The following KCNH7 variants were observed in gnomAD, a reference collection of about 807,000 sequenced individuals.
KCNH7 encodes potassium voltage-gated channel subfamily H member 7, also known as voltage-gated inwardly rectifying potassium channel KCNH7.
A neutral mutation model predicts 120.8 loss-of-function variants in KCNH7; 49 were observed. The ratio of observed to expected loss-of-function variants is 0.41; its 90% CI spans 0.32 to 0.51. KCNH7 has a LOEUF of 0.51. Ranked by LOEUF, KCNH7 falls within the 20% of genes least tolerant of loss-of-function variation. The pLI, the probability that KCNH7 is intolerant of heterozygous loss-of-function variation, is 0.38. For missense variants in KCNH7, 1,097 were observed against 1,446.6 expected (o/e 0.76, Z 3.92); for synonymous variants, 547 against 516.1 (o/e 1.06, Z -0.81).
chr2:162,790,424 A>G (rs554775909), intron 2 of KCNH7, among the ~76,000 whole-genome samples: 3 of 152,098 alleles, frequency 2.0e-5, no homozygotes, highest in Non-Finnish European at 4.4e-5. Flanking sequence ...AAAAATTAAT[A>G]CTAATTCTTC....
At chr2:162,453,416 A>G (rs552184327) in intron 6 of KCNH7, among the ~76,000 whole-genome samples, 5 of 152,298 alleles carry the variant, frequency 3.3e-5, no homozygotes, top group South Asian at 2.1e-4. Context: ...TAGTGCTGCA[A>G]TGAACATACA....
rs1421705579 is a variant in KCNH7 at position 162,536,985 on chromosome 2, T to C, written c.403A>G (p.Asn135Asp). The C allele has an allele frequency of 1.9e-6, 3 of 1,612,886 alleles. No homozygotes were observed. The highest frequency in any genetic ancestry group is 3.3e-5 in the Admixed American group (2 of 59,922). Reference sequence around the variant, plus strand: ...CTCTCTGGGGTGGCAGCGTTTTCATTATCCGTCACATATTCAAAATTAATG... The same window carrying C: ...CTCTCTGGGGTGGCAGCGTTTTCATCATCCGTCACATATTCAAAATTAATG... ...FIINFEYVTDNENAATPERVN... is the reference protein window; with the variant it reads ...FIINFEYVTDDENAATPERVN... Residue 135 changes from asparagine (N) to aspartate (D), a missense_variant, in exon 3 of 16, where the codon AAT (asparagine) becomes GAT (aspartate). Around this residue, in one of 8 missense-constraint regions of KCNH7, gnomAD observed 362 missense variants for 372.2 expected, o/e 0.97. Coordinates refer to ENST00000332142, the MANE Select transcript of KCNH7 (RefSeq NM_033272.4).
intron 2 of KCNH7, among the ~76,000 whole-genome samples, chr2:162,546,886 TG>T (rs1692499297): frequency 6.6e-6 from 1 of 151,756 alleles, no homozygotes; most frequent in African/African-American, 2.4e-5. Flanking sequence ...GGGGGTGTGA[TG>T]GAGTGTCTGA....
intron 6 of KCNH7, among the ~76,000 whole-genome samples, chr2:162,461,410 T>C (rs1260968238): frequency 6.6e-6 from 1 of 152,210 alleles, no homozygotes; most frequent in African/African-American, 2.4e-5. Context: ...TAGTTCCACA[T>C]ATAGTCCCTA....
At chr2:162,669,283 A>G (rs1039206877) in intron 2 of KCNH7, among the ~76,000 whole-genome samples, 10 of 152,224 alleles carry the variant, frequency 6.6e-5, no homozygotes, top group African/African-American at 2.4e-4. Context: ...AGACTGACTT[A>G]CATTCATTAA....
At chr2:162,823,495 T>C (rs555557030) in intron 2 of KCNH7, among the ~76,000 whole-genome samples, 6 of 152,202 alleles carry the variant, frequency 3.9e-5, no homozygotes, top group Non-Finnish European at 8.8e-5. Flanking sequence ...CCTTGAGTTA[T>C]AGTTAAAGTG....
intron 2 of KCNH7, among the ~76,000 whole-genome samples, chr2:162,717,389 T>C (rs528259057): frequency 2.8e-4 from 42 of 152,230 alleles, no homozygotes; most frequent in African/African-American, 9.4e-4. Flanking sequence ...CCAAATGATC[T>C]GACTCCAGGT....
chr2:162,459,227 A>G (rs1233370359), intron 6 of KCNH7, among the ~76,000 whole-genome samples: 1 of 152,014 alleles, frequency 6.6e-6, no homozygotes, highest in Admixed American at 6.6e-5. Flanking sequence ...CAGTATTCCT[A>G]GGGCTTAGCA....
intron 6 of KCNH7, among the ~76,000 whole-genome samples, chr2:162,458,537 C>T (rs754167747): frequency 1.3e-5 from 2 of 152,110 alleles, no homozygotes; most frequent in Non-Finnish European, 2.9e-5. Context: ...TCTTACCTGT[C>T]TCTTGGAAAC....
intron 2 of KCNH7, among the ~76,000 whole-genome samples, chr2:162,760,071 A>G (rs1039219593): frequency 2.0e-5 from 3 of 152,192 alleles, no homozygotes; most frequent in African/African-American, 7.2e-5. Flanking sequence ...CATGTGGCAC[A>G]TAATTTCTTA....
At chr2:162,514,264 G>C (rs1691208665) in intron 4 of KCNH7, among the ~76,000 whole-genome samples, 1 of 151,702 alleles carries the variant, frequency 6.6e-6, no homozygotes, top group Non-Finnish European at 1.5e-5. Flanking sequence ...TCCTCTTTGA[G>C]AGAATTACAA....
intron 2 of KCNH7, among the ~76,000 whole-genome samples, chr2:162,773,413 A>T (rs1460733222): frequency 6.6e-6 from 1 of 152,132 alleles, no homozygotes; most frequent in Non-Finnish European, 1.5e-5. Context: ...GCTCGAACCC[A>T]GGAGGTGGAG....
intron 2 of KCNH7, among the ~76,000 whole-genome samples, chr2:162,594,842 C>A (rs771936997): frequency 2.0e-5 from 3 of 151,958 alleles, no homozygotes; most frequent in Non-Finnish European, 2.9e-5. Flanking sequence ...TATCTGTGGA[C>A]TTTGGTATCC....
chr2:162,705,329 T>A (rs755196379), intron 2 of KCNH7, among the ~76,000 whole-genome samples: 1 of 152,100 alleles, frequency 6.6e-6, no homozygotes, highest in African/African-American at 2.4e-5. Context: ...TATTTTAAAG[T>A]ATTTAAAAAG....
intron 3 of KCNH7, among the ~76,000 whole-genome samples, chr2:162,531,005 C>T (rs1317103922): frequency 1.6e-4 from 25 of 151,838 alleles, no homozygotes; most frequent in Admixed American, 1.6e-3. Flanking sequence ...GTAATCAAAA[C>T]CGATATACAG....
intron 3 of KCNH7, among the ~76,000 whole-genome samples, chr2:162,527,646 T>G (rs1184552972): frequency 7.2e-5 from 11 of 152,002 alleles, no homozygotes; most frequent in African/African-American, 2.7e-4. Context: ...ATATTTTGTG[T>G]GGTTAGGCTT....
intron 2 of KCNH7, among the ~76,000 whole-genome samples, chr2:162,664,509 T>C (rs747579212): frequency 3.9e-5 from 6 of 152,160 alleles, no homozygotes; most frequent in Non-Finnish European, 8.8e-5. Context: ...TGATACACAA[T>C]TAGTTGATAG....
chr2:162,654,863 T>G (rs1684688248), intron 2 of KCNH7, among the ~76,000 whole-genome samples: 1 of 152,098 alleles, frequency 6.6e-6, no homozygotes, highest in African/African-American at 2.4e-5. Context: ...TTATATTAAA[T>G]GAAATAAGTC....
chr2:162,510,906 T>A (rs1008283394), intron 5 of KCNH7, among the ~76,000 whole-genome samples: 1 of 151,766 alleles, frequency 6.6e-6, no homozygotes, highest in African/African-American at 2.4e-5. Context: ...ATTGAAAATT[T>A]ACATTAAATT....
Sources: allele counts gnomAD v4.1 joint callset (sites outside exome capture counted in the v4.1 genomes callset), GRCh38; gene constraint gnomAD v4.1.1; regional missense constraint gnomAD v4.1.1; transcripts MANE v1.5; gene names NCBI Gene and HGNC (gene_info 2026-07-23, HGNC 2026-07-21).